The following GPC6 variants were observed in gnomAD, a reference collection of about 807,000 sequenced individuals.
GPC6 encodes the protein glypican 6, also known as glypican-6.
A neutral mutation model predicts 55.2 loss-of-function variants in GPC6; 14 were observed. The ratio of observed to expected loss-of-function variants is 0.25; its 90% CI spans 0.17 to 0.40. The LOEUF (loss-of-function observed/expected upper bound fraction) is 0.40, where lower values mean the gene tolerates loss of function less well. Ranked by LOEUF, GPC6 falls within the 10% of genes least tolerant of loss-of-function variation. The pLI, the probability that GPC6 is intolerant of heterozygous loss-of-function variation, is 1.00. For synonymous variants in GPC6, 278 were observed against 259.6 expected (o/e 1.07, Z -0.68); for missense variants, 641 against 708.5 (o/e 0.90, Z 1.08).
At chr13:94,166,410 G>A (rs1888372252) in intron 4 of GPC6, among the ~76,000 whole-genome samples, 1 of 152,132 alleles carries the variant, frequency 6.6e-6, no homozygotes, top group Non-Finnish European at 1.5e-5. Flanking sequence ...AAGATAGCCT[G>A]TCGTTGCAAA....
At chr13:94,042,794 C>T (rs942161845) in intron 4 of GPC6, among the ~76,000 whole-genome samples, 1 of 151,844 alleles carries the variant, frequency 6.6e-6, no homozygotes, top group Admixed American at 6.6e-5. Flanking sequence ...AAGGATTTTG[C>T]CTGTAGCAGC....
At chr13:94,382,850 G>A (rs1039180125) in intron 7 of GPC6, among the ~76,000 whole-genome samples, 1 of 152,180 alleles carries the variant, frequency 6.6e-6, no homozygotes, top group Non-Finnish European at 1.5e-5. Context: ...GCCCTTTCAT[G>A]TTCACTTAAT....
chr13:93,653,926 T>C (rs1880539578), intron 2 of GPC6, among the ~76,000 whole-genome samples: 1 of 152,200 alleles, frequency 6.6e-6, no homozygotes. Flanking sequence ...CATCACACTT[T>C]TATCCGCCTA....
intron 1 of GPC6, among the ~76,000 whole-genome samples, chr13:93,361,477 A>G (rs893312766): frequency 1.3e-5 from 2 of 152,170 alleles, no homozygotes; most frequent in Non-Finnish European, 2.9e-5. Context: ...GCATCATGCC[A>G]TAGATGTTCA....
chr13:93,857,956 T>C (rs1888678859), intron 3 of GPC6, among the ~76,000 whole-genome samples: 1 of 151,514 alleles, frequency 6.6e-6, no homozygotes, highest in Non-Finnish European at 1.5e-5. Context: ...ACCATTAGTA[T>C]TTATTTTCTT....
chr13:93,971,014 C>T (rs1188667008), intron 3 of GPC6, among the ~76,000 whole-genome samples: 1 of 152,136 alleles, frequency 6.6e-6, no homozygotes, highest in Non-Finnish European at 1.5e-5. Context: ...TACTCAAAAG[C>T]AAATTAGATT....
intron 4 of GPC6, among the ~76,000 whole-genome samples, chr13:94,057,268 ACAAGTGTAATC>A (rs1461062923): frequency 3.3e-5 from 5 of 152,212 alleles, no homozygotes; most frequent in Non-Finnish European, 7.3e-5. Context: ...ACTGTTGCTT[ACAAGTGTAATC>A]TTATCATATG....
chr13:93,937,222 ACTTCATAT>A (rs1272472037), intron 3 of GPC6, among the ~76,000 whole-genome samples: 1 of 152,234 alleles, frequency 6.6e-6, no homozygotes, highest in Admixed American at 6.5e-5. Context: ...ACTGTTGTAC[ACTTCATAT>A]ATACTTATTT....
chr13:93,472,992 C>T (rs2139330919), intron 1 of GPC6, among the ~76,000 whole-genome samples: 1 of 152,302 alleles, frequency 6.6e-6, no homozygotes, highest in South Asian at 2.1e-4. Flanking sequence ...CTCCCTGTAG[C>T]TAGTTGACCC....
intron 3 of GPC6, among the ~76,000 whole-genome samples, chr13:93,973,821 T>C (rs1246233644): frequency 6.6e-6 from 1 of 152,170 alleles, no homozygotes; most frequent in Non-Finnish European, 1.5e-5. Flanking sequence ...GAAGGTCCTA[T>C]AGTTTTTTAC....
At chr13:94,027,678 T>C (rs1882953362) in intron 3 of GPC6, 51 bp from the exon 4 acceptor site, 1 of 1,552,534 alleles carries the variant, frequency 6.4e-7, no homozygotes, top group Non-Finnish European at 8.9e-7. Flanking sequence ...TTTTTCCTCC[T>C]CTTTATCCTT....
intron 6 of GPC6, among the ~76,000 whole-genome samples, chr13:94,349,496 G>A (rs1878433688): frequency 6.6e-6 from 1 of 152,116 alleles, no homozygotes; most frequent in African/African-American, 2.4e-5. Flanking sequence ...CATTGCCTGT[G>A]GAATTAAACC....
intron 1 of GPC6, among the ~76,000 whole-genome samples, chr13:93,342,755 G>A (rs945740779): frequency 4.6e-5 from 7 of 152,194 alleles, no homozygotes; most frequent in Non-Finnish European, 7.3e-5. Context: ...GGGACTGGAT[G>A]ACACATTGCA....
At chr13:93,593,701 A>T in intron 2 of GPC6, among the ~76,000 whole-genome samples, 1 of 152,148 alleles carries the variant, frequency 6.6e-6, no homozygotes, top group Admixed American at 6.5e-5. Context: ...TCAAAATTAT[A>T]CTTATTGAAA....
rs754153015 is a variant in GPC6, at chr13:93,227,206, G to A, written c.-251G>A. ...GTTTTGATTGCACCGTTTCCATCTG[G>A]GGGCTAGAGGAGCAAGGCAGCAGCC... is the stretch of plus-strand genomic sequence containing the variant. On this transcript the variant is annotated 5_prime_UTR_variant, in exon 1 of 9. Transcript: ENST00000377047. This position sits in a 1 kb window ranked among gnomAD's most constrained non-coding sequence, Gnocchi z 4.3. 2.4e-6 allele frequency: 1 copy of A among 417,798 alleles called. No individual in the cohort carries two copies. The highest frequency in any genetic ancestry group is 4.0e-5 in the Admixed American group (1 of 24,850). The allele number at this position is 417,798 out of a possible 1,614,324, so 25.9% of individuals were successfully genotyped here. A position where few individuals can be genotyped will look rare whatever the true frequency, so the allele number is the denominator to read the frequency against.
At chr13:94,375,626 G>A (rs1205504663) in intron 6 of GPC6, among the ~76,000 whole-genome samples, 2 of 149,312 alleles carry the variant, frequency 1.3e-5, no homozygotes, top group African/African-American at 4.9e-5. Context: ...GGTACAAGGA[G>A]GAACTGGTAC....
In GPC6 at chr13:94,372,533, G is replaced by T. The variant is rs1363218678; in HGVS notation, c.1153-9881G>T. 4.2e-3 allele frequency among the ~76,000 whole-genome samples: 626 copies of T among 150,664 alleles called. 5 individuals are homozygous for T. Among genetic ancestry groups the T allele is most frequent in the African/African-American group, 0.014 (585 of 40,890 alleles). On this transcript the variant is annotated intron_variant, in intron 6 of 8. Transcript: ENST00000377047. ...GCTTAAAAAACGGCGCACCACGAGA[G>T]TATATCCCGCACCTGGCTCGGAGGG...
At chr13:93,762,874 C>T (rs529391151) in intron 2 of GPC6, among the ~76,000 whole-genome samples, 18 of 152,224 alleles carry the variant, frequency 1.2e-4, no homozygotes, top group Admixed American at 3.3e-4. Context: ...CAATTCTGCA[C>T]GTAGGTAATT....
chr13:93,626,879 T>A (rs114954558), intron 2 of GPC6, among the ~76,000 whole-genome samples: 235 of 151,642 alleles, frequency 1.5e-3, no homozygotes, highest in African/African-American at 5.5e-3. Context: ...TTTCACAAGC[T>A]GCACAGGAAA....
Sources: gnomAD v4.1 joint callset for allele counts (sites outside exome capture counted in the v4.1 genomes callset) on GRCh38, gnomAD v4.1.1 for gene constraint, Gnocchi (gnomAD v3.1) non-coding constraint, MANE v1.5 for transcripts, NCBI Gene and HGNC (gene_info 2026-07-23, HGNC 2026-07-21) for gene names.